The following FHIT variants were observed in gnomAD, a reference collection of about 807,000 sequenced individuals.
FHIT encodes the protein fragile histidine triad diadenosine triphosphatase.
Under a neutral mutation model 17.9 loss-of-function variants are expected in FHIT, and 19 were observed. That is an observed-to-expected ratio of 1.06 (90% confidence interval 0.74 to 1.56). The LOEUF is 1.56. Among genes scored for constraint, FHIT ranks in the 40% most tolerant of loss-of-function variants. The pLI is 0.00. For missense variants in FHIT, 248 were observed against 189.2 expected (o/e 1.31, Z -1.82); for synonymous variants, 81 against 69.7 (o/e 1.16, Z -0.81).
At chr3:61,180,718 T>C (rs1397456937) in intron 2 of FHIT, among the ~76,000 whole-genome samples, 4 of 152,228 alleles carry the variant, frequency 2.6e-5, no homozygotes, top group African/African-American at 9.6e-5. Context: ...TATTAATTGA[T>C]TTAATTGCCC....
chr3:60,954,407 A>G (rs1553778154), intron 3 of FHIT, among the ~76,000 whole-genome samples: 1 of 152,216 alleles, frequency 6.6e-6, no homozygotes, highest in Non-Finnish European at 1.5e-5. Flanking sequence ...TTATCTTAAA[A>G]ATAATGTTTA....
At chr3:59,843,147 A>G (rs1198644907) in intron 8 of FHIT, among the ~76,000 whole-genome samples, 2 of 152,168 alleles carry the variant, frequency 1.3e-5, no homozygotes, top group Admixed American at 1.3e-4. Flanking sequence ...GAGTTTTCCT[A>G]GCGGCATTTA....
intron 2 of FHIT, among the ~76,000 whole-genome samples, chr3:61,052,258 C>A (rs1258083264): frequency 6.6e-6 from 1 of 152,204 alleles, no homozygotes; most frequent in African/African-American, 2.4e-5. Flanking sequence ...TGCAGATGTA[C>A]CTATAACATC....
At chr3:61,228,605 C>A (rs2040025204) in intron 1 of FHIT, among the ~76,000 whole-genome samples, 1 of 152,094 alleles carries the variant, frequency 6.6e-6, no homozygotes, top group African/African-American at 2.4e-5. Flanking sequence ...AATTTTTAAG[C>A]CCAGCCAAAA....
chr3:60,785,007 T>C (rs1700519143), intron 4 of FHIT, among the ~76,000 whole-genome samples: 1 of 152,156 alleles, frequency 6.6e-6, no homozygotes, highest in Non-Finnish European at 1.5e-5. Context: ...TTAAGGTGTC[T>C]TGTTTTAGCA....
intron 5 of FHIT, among the ~76,000 whole-genome samples, chr3:60,233,245 A>C (rs1392482369): frequency 1.3e-5 from 2 of 152,222 alleles, no homozygotes; most frequent in Non-Finnish European, 2.9e-5. Context: ...ATGGCTCAAA[A>C]GGTATTTAAT....
At chr3:60,171,392 A>G (rs949698170) in intron 5 of FHIT, among the ~76,000 whole-genome samples, 1 of 152,134 alleles carries the variant, frequency 6.6e-6, no homozygotes, top group African/African-American at 2.4e-5. Context: ...CTTTGGCCAT[A>G]TGATGTGGTA....
chr3:60,613,131 T>C (rs1411224299), intron 4 of FHIT, among the ~76,000 whole-genome samples: 1 of 152,230 alleles, frequency 6.6e-6, no homozygotes, highest in Non-Finnish European at 1.5e-5. Flanking sequence ...ATCACTCTAA[T>C]GCTTGACTTT....
chr3:61,099,411 T>C (rs1027109235), intron 2 of FHIT, among the ~76,000 whole-genome samples: 1 of 152,168 alleles, frequency 6.6e-6, no homozygotes, highest in African/African-American at 2.4e-5. Flanking sequence ...GGTTTTGATA[T>C]CAGGATGCTG....
intron 7 of FHIT, among the ~76,000 whole-genome samples, chr3:59,972,855 T>C (rs944292123): frequency 6.6e-6 from 1 of 152,142 alleles, no homozygotes; most frequent in Non-Finnish European, 1.5e-5. Flanking sequence ...CAGTATTTGC[T>C]GGCCCCTACC....
At chr3:60,851,898 GA>G (rs1482428114) in intron 3 of FHIT, among the ~76,000 whole-genome samples, 1 of 151,714 alleles carries the variant, frequency 6.6e-6, no homozygotes, top group Non-Finnish European at 1.5e-5. Flanking sequence ...TATAAATCCT[GA>G]AAAAAGAAAA....
intron 4 of FHIT, among the ~76,000 whole-genome samples, chr3:60,759,380 G>A (rs1699556117): frequency 1.3e-5 from 2 of 152,192 alleles, no homozygotes; most frequent in African/African-American, 2.4e-5. Flanking sequence ...GGGAACATGA[G>A]TAGGCATGGG....
rs544627914 is a variant in FHIT, at chr3:60,029,857, G to A, written c.104-15705C>T. Among the ~76,000 whole-genome samples the A allele has an allele frequency of 1.4e-4, 20 of 143,788 alleles. 1 individual carries two copies. In the South Asian group the frequency reaches 3.9e-3, roughly 28 times the overall value. The allele number at this position is 143,788 out of a possible 152,430, so 94.3% of individuals were successfully genotyped here. A position where few individuals can be genotyped will look rare whatever the true frequency, so the allele number is the denominator to read the frequency against. ...AAAGAGGTTGGACAGGCAGTTGTTG[G>A]GCAGATGTCCTCATAGAAGCATTGT... On this transcript the variant is annotated intron_variant, in intron 5 of 9. Transcript: ENST00000492590.
At chr3:59,919,727 T>G (rs1016575993) in intron 8 of FHIT, among the ~76,000 whole-genome samples, 2 of 152,220 alleles carry the variant, frequency 1.3e-5, no homozygotes, top group African/African-American at 4.8e-5. Flanking sequence ...TCCTGTTTCC[T>G]ACCTCCCACC....
At chr3:60,293,727 G>A (rs1188978878) in intron 5 of FHIT, among the ~76,000 whole-genome samples, 1 of 152,062 alleles carries the variant, frequency 6.6e-6, no homozygotes, top group Non-Finnish European at 1.5e-5. Flanking sequence ...AATCAACAGT[G>A]CCCACTGGAC....
At chr3:60,072,135 C>T (rs548012738) in intron 5 of FHIT, among the ~76,000 whole-genome samples, 2 of 152,150 alleles carry the variant, frequency 1.3e-5, no homozygotes, top group South Asian at 2.1e-4. Context: ...GGAGGAGAAA[C>T]CAAGAGTGTT....
intron 5 of FHIT, among the ~76,000 whole-genome samples, chr3:60,245,097 A>G (rs907178154): frequency 6.6e-6 from 1 of 152,070 alleles, no homozygotes; most frequent in Non-Finnish European, 1.5e-5. Context: ...CTATATCAGC[A>G]GTCAGATCCC....
At chr3:60,067,074 C>G (rs1487391595) in intron 5 of FHIT, among the ~76,000 whole-genome samples, 1 of 152,082 alleles carries the variant, frequency 6.6e-6, no homozygotes. Context: ...ACCTGTCCCC[C>G]AAATGCACAG....
intron 2 of FHIT, among the ~76,000 whole-genome samples, chr3:61,174,850 T>G (rs968086832): frequency 1.3e-5 from 2 of 152,232 alleles, no homozygotes; most frequent in African/African-American, 4.8e-5. Flanking sequence ...GGGATACTTG[T>G]GAGGGTACCA....
Sources: gnomAD v4.1 joint callset for allele counts (sites outside exome capture counted in the v4.1 genomes callset) on GRCh38, gnomAD v4.1.1 for gene constraint, MANE v1.5 for transcripts, NCBI Gene and HGNC (gene_info 2026-07-23, HGNC 2026-07-21) for gene names.